The following ZDHHC14 variants were observed in gnomAD, a reference collection of about 807,000 sequenced individuals.
ZDHHC14 encodes the protein palmitoyltransferase ZDHHC14.
In ZDHHC14, 16 loss-of-function variants were observed where a neutral mutation model predicts 47.7. The observed-to-expected ratio is 0.34, with a 90% confidence interval of 0.23 to 0.51. The LOEUF (loss-of-function observed/expected upper bound fraction) is 0.51, where lower values mean the gene tolerates loss of function less well. Ranked by LOEUF, ZDHHC14 falls within the 20% of genes least tolerant of loss-of-function variation. ZDHHC14 has a pLI of 0.97. For missense variants in ZDHHC14, 515 were observed against 662.5 expected (o/e 0.78, Z 2.44); for synonymous variants, 293 against 278.9 (o/e 1.05, Z -0.50).
In ZDHHC14 at chr6:157,632,880, A is replaced by G; in HGVS notation, c.750A>G (p.Ala250=). ...TAAATGCCCTTAAGGACAGTCCTGC[A>G]AGATATCCTTTGTGATGATTCTGTT... is the stretch of plus-strand genomic sequence containing the variant. ...GFLNALKDSP[A]SVLEAVVCFF... Residue 250 remains alanine (A), a splice_region_variant and synonymous_variant, in exon 5 of 9, where the codon GCA becomes GCG. Transcript: ENST00000359775. The G allele has an allele frequency of 6.2e-7, 1 of 1,614,164 alleles. No individual in the cohort carries two copies. The highest frequency in any genetic ancestry group is 1.7e-5 in the Admixed American group (1 of 60,022).
Position 157,676,971 on chromosome 6 carries a change from A to G in ZDHHC14, c.*3849A>G, listed in dbSNP as rs1778980036. The stretch of plus-strand genomic sequence containing the variant: ...CCATCCACAAGAATACATTGAGTTC[A>G]TTTAGTTCTTGACCAGGTAAGAAAA... On this transcript the variant is annotated 3_prime_UTR_variant, in exon 9 of 9. Transcript: ENST00000359775. 1 of 152,242 alleles carries G rather than the reference A, an allele frequency of 6.6e-6. No homozygotes were observed. Among genetic ancestry groups the G allele is most frequent in the African/African-American group, 2.4e-5 (1 of 41,454 alleles). 9.4% of individuals were successfully genotyped at this position (152,242 alleles called of 1,614,324 possible).
chr6:157,502,703 GTT>G lies in ZDHHC14; in HGVS notation c.246-39877_246-39876del, dbSNP rs553971024. Reference sequence around the variant, plus strand: ...TTGTTTTGTTTTGTTTTGTTTGTTTGTTTTTTAGACAGGGTCTTGCTCTGTCA... The same window carrying G: ...TTGTTTTGTTTTGTTTTGTTTGTTTGTTTTAGACAGGGTCTTGCTCTGTCA... On this transcript the variant is annotated intron_variant, in intron 1 of 8. Transcript: ENST00000359775. The surrounding 1 kb of genome is among the most constrained non-coding windows in gnomAD (Gnocchi z 4.0). Among the ~76,000 whole-genome samples, 388 of 151,988 alleles carry G rather than the reference GTT, an allele frequency of 2.6e-3. No homozygotes were observed. Among genetic ancestry groups the G allele is most frequent in the Admixed American group, 5.6e-3 (86 of 15,262 alleles).
chr6:157,423,956 C>T (rs764991562), intron 1 of ZDHHC14, among the ~76,000 whole-genome samples: 2 of 152,170 alleles, frequency 1.3e-5, no homozygotes, highest in Non-Finnish European at 2.9e-5. Context: ...TTGTGTAGCT[C>T]CCAAACAAAG....
chr6:157,564,893 T>C (rs1483227334), intron 2 of ZDHHC14, among the ~76,000 whole-genome samples: 2 of 152,220 alleles, frequency 1.3e-5, no homozygotes, highest in East Asian at 1.9e-4. Context: ...GGTGAAATTA[T>C]AGAGATCTGT....
chr6:157,649,254 C>T (rs1777703952), intron 7 of ZDHHC14, among the ~76,000 whole-genome samples: 1 of 152,160 alleles, frequency 6.6e-6, no homozygotes, highest in African/African-American at 2.4e-5. Flanking sequence ...AGACTTGAAG[C>T]GGTGTGGGGC....
In ZDHHC14 at chr6:157,384,484, A is replaced by G. The variant is rs146147638; in HGVS notation, c.245+2218A>G. ...GAATAAATGTGTGCGCCGGGATTTT[A>G]TTAGCTGCTATTTGCAGCATCTTTT... On this transcript the variant is annotated intron_variant, in intron 1 of 8. Coordinates refer to ENST00000359775, the MANE Select transcript of ZDHHC14 (RefSeq NM_024630.3). 3.8e-3 allele frequency among the ~76,000 whole-genome samples: 581 copies of G among 152,304 alleles called. 2 individuals carry two copies. Among genetic ancestry groups the G allele is most frequent in the African/African-American group, 0.013 (553 of 41,566 alleles).
rs535706937 is a variant in ZDHHC14 at position 157,395,380 on chromosome 6, G to T, written c.245+13114G>T. On this transcript the variant is annotated intron_variant, in intron 1 of 8. Coordinates refer to ENST00000359775, the MANE Select transcript of ZDHHC14 (RefSeq NM_024630.3). Reference sequence around the variant, plus strand: ...GGGGTCTCACTATGTTGCCCAGGCTGGTCTCGAATTCCTGAGCTCAAGTGA... The same window carrying T: ...GGGGTCTCACTATGTTGCCCAGGCTTGTCTCGAATTCCTGAGCTCAAGTGA... Among the ~76,000 whole-genome samples the T allele has an allele frequency of 2.7e-5, 4 of 149,644 alleles. No individual in the cohort carries two copies. The East Asian group carries it at 7.9e-4, about 30-fold the overall frequency.
intron 3 of ZDHHC14, among the ~76,000 whole-genome samples, chr6:157,598,028 G>A (rs1784200436): frequency 6.6e-6 from 1 of 152,168 alleles, no homozygotes; most frequent in Non-Finnish European, 1.5e-5. Flanking sequence ...GCATCTTACT[G>A]CACACTCTGC....
intron 1 of ZDHHC14, among the ~76,000 whole-genome samples, chr6:157,392,819 T>C (rs748886477): frequency 3.3e-5 from 5 of 152,312 alleles, no homozygotes; most frequent in Admixed American, 1.3e-4. Flanking sequence ...TCTAGAGACT[T>C]TGGAGGTAGA....
intron 2 of ZDHHC14, among the ~76,000 whole-genome samples, chr6:157,580,708 T>C (rs1783483905): frequency 8.4e-6 from 1 of 119,456 alleles, no homozygotes; most frequent in South Asian, 2.7e-4. Context: ...GGGTTTTTTG[T>C]GTTTTGTGTG....
chr6:157,551,315 T>G (rs1405294562), intron 2 of ZDHHC14, among the ~76,000 whole-genome samples: 2 of 152,100 alleles, frequency 1.3e-5, no homozygotes, highest in Non-Finnish European at 2.9e-5. Flanking sequence ...CCTGGACAAC[T>G]CCTTTGGTTT....
At chr6:157,401,379 C>A (rs1777631999) in intron 1 of ZDHHC14, among the ~76,000 whole-genome samples, 1 of 152,198 alleles carries the variant, frequency 6.6e-6, no homozygotes, top group Non-Finnish European at 1.5e-5. Context: ...CACCATTTTT[C>A]TTTATTTCTG....
chr6:157,417,108 A>G (rs548772384), intron 1 of ZDHHC14, among the ~76,000 whole-genome samples: 2 of 149,302 alleles, frequency 1.3e-5, no homozygotes, highest in South Asian at 4.2e-4. Flanking sequence ...GATCACAGGC[A>G]TGAGCCACCG....
chr6:157,619,378 G>A (rs1020758615), intron 3 of ZDHHC14, among the ~76,000 whole-genome samples: 15 of 152,134 alleles, frequency 9.9e-5, no homozygotes, highest in Non-Finnish European at 1.5e-4. Context: ...GTGGCAGAGC[G>A]AGACTCCACC....
intron 2 of ZDHHC14, among the ~76,000 whole-genome samples, chr6:157,548,104 CA>C (rs559113398): frequency 0.052 from 7,423 of 143,296 alleles, 584 homozygotes; most frequent in African/African-American, 0.17. Context: ...CACCCCTCCC[CA>C]AAAAAAAAAA....
chr6:157,445,105 T>TACACACAC (rs533031947), intron 1 of ZDHHC14, among the ~76,000 whole-genome samples: 2,277 of 131,722 alleles, frequency 0.017, 28 homozygotes, highest in East Asian at 0.035. Flanking sequence ...TGCCAGATAT[T>TACACACAC]ACACACACAC....
intron 1 of ZDHHC14, among the ~76,000 whole-genome samples, chr6:157,418,335 A>G (rs536338009): frequency 6.6e-6 from 1 of 152,346 alleles, no homozygotes; most frequent in African/African-American, 2.4e-5. Flanking sequence ...AGTTTGCAGA[A>G]TATTCCCAAA....
At chr6:157,480,259 G>GTTTTTTTTTTTTTTCTTTTTT (rs544976884) in intron 1 of ZDHHC14, among the ~76,000 whole-genome samples, 1 of 121,566 alleles carries the variant, frequency 8.2e-6, no homozygotes, top group Non-Finnish European at 1.7e-5. Flanking sequence ...GTTGTTTTGG[G>GTTTTTTTTTTTTTTCTTTTTT]TTTTTTTTTT....
At chr6:157,649,651 T>C (rs201481096) in intron 7 of ZDHHC14, among the ~76,000 whole-genome samples, 1 of 152,214 alleles carries the variant, frequency 6.6e-6, no homozygotes, top group East Asian at 1.9e-4. Flanking sequence ...TGCTGTGCCA[T>C]GCAAATAAGG....
Sources: gnomAD v4.1 joint callset for allele counts (sites outside exome capture counted in the v4.1 genomes callset) on GRCh38, gnomAD v4.1.1 for gene constraint, Gnocchi (gnomAD v3.1) non-coding constraint, MANE v1.5 for transcripts, NCBI Gene and HGNC (gene_info 2026-07-23, HGNC 2026-07-21) for gene names.